The following THSD7B variants were observed in gnomAD, a reference collection of about 807,000 sequenced individuals.
The protein encoded by THSD7B is thrombospondin type 1 domain containing 7B.
In THSD7B, 138 loss-of-function variants were observed where a neutral mutation model predicts 213.6. That is an observed-to-expected ratio of 0.65 (90% confidence interval 0.56 to 0.74). THSD7B has a LOEUF of 0.74. Among genes scored for constraint, THSD7B ranks in the 30% least tolerant of loss-of-function variants. THSD7B has a pLI of 0.00. For missense variants in THSD7B, 1,931 were observed against 1,991.5 expected (o/e 0.97, Z 0.58); for synonymous variants, 742 against 687.0 (o/e 1.08, Z -1.25).
At chr2:137,105,806 G>A (rs1009039050) in intron 4 of THSD7B, among the ~76,000 whole-genome samples, 1 of 152,122 alleles carries the variant, frequency 6.6e-6, no homozygotes, top group Non-Finnish European at 1.5e-5. Context: ...TTGCTACAAA[G>A]AGAGTAAAAT....
intron 17 of THSD7B, among the ~76,000 whole-genome samples, chr2:137,598,021 A>G (rs1681996069): frequency 6.6e-6 from 1 of 151,848 alleles, no homozygotes; most frequent in Non-Finnish European, 1.5e-5. Flanking sequence ...CCTATCTCCT[A>G]CTTCTCTTGC....
At position 136,948,994 on chromosome 2, in the gene THSD7B, T is replaced by C. The variant is rs540866973; in HGVS notation, c.139+66677T>C. On this transcript the variant is annotated intron_variant, in intron 2 of 27. Coordinates refer to ENST00000409968, the MANE Select transcript of THSD7B (RefSeq NM_001316349.2). ...AAAAAAAATTGTTGGTTTTTGGAGATGAGGGGTCTCACTCTGTTTCCTAGG... is the reference window on the plus strand; with the variant it reads ...AAAAAAAATTGTTGGTTTTTGGAGACGAGGGGTCTCACTCTGTTTCCTAGG... Among the ~76,000 whole-genome samples, 36 of 152,318 alleles carry C rather than the reference T, an allele frequency of 2.4e-4. 1 individual carries two copies. Among genetic ancestry groups the C allele is most frequent in the African/African-American group, 8.4e-4 (35 of 41,574 alleles).
At chr2:136,884,206 G>T (rs1435486801) in intron 2 of THSD7B, among the ~76,000 whole-genome samples, 1 of 152,186 alleles carries the variant, frequency 6.6e-6, no homozygotes, top group African/African-American at 2.4e-5. Flanking sequence ...GTTGAGAAGA[G>T]TTTCATAGAA....
At chr2:136,860,119 G>T (rs1042110654) in intron 1 of THSD7B, among the ~76,000 whole-genome samples, 1 of 146,476 alleles carries the variant, frequency 6.8e-6, no homozygotes, top group African/African-American at 2.5e-5. Flanking sequence ...CCGGGTTCAC[G>T]CCATTCTCCT....
At chr2:137,015,145 T>C (rs1686314364) in intron 2 of THSD7B, among the ~76,000 whole-genome samples, 2 of 152,190 alleles carry the variant, frequency 1.3e-5, no homozygotes, top group South Asian at 4.1e-4. Context: ...GCAACGGCTG[T>C]ATGTCTTGCT....
intron 1 of THSD7B, among the ~76,000 whole-genome samples, chr2:136,830,513 G>A (rs1251556580): frequency 6.6e-6 from 1 of 152,054 alleles, no homozygotes; most frequent in Non-Finnish European, 1.5e-5. Flanking sequence ...GTGTTAAGGT[G>A]TTCTAAGTTT....
At position 137,676,731 on chromosome 2, in the gene THSD7B, A is replaced by AAAAGT. The variant is rs1683711157; in HGVS notation, c.*129_*133dup. On this transcript the variant is annotated 3_prime_UTR_variant, in exon 28 of 28. Coordinates refer to ENST00000409968, the MANE Select transcript of THSD7B (RefSeq NM_001316349.2). ...ATATTGGGCAGAATACAAATATTGC[A>AAAAGT]AAAGTAATATTGCCTCAACTTCATT... is the stretch of plus-strand genomic sequence containing the variant. The AAAAGT allele has an allele frequency of 4.0e-6, 3 of 750,646 alleles. No homozygotes were observed. Among genetic ancestry groups the AAAAGT allele is most frequent in the Non-Finnish European group, 5.9e-6 (3 of 510,252 alleles). The allele number at this position is 750,646 out of a possible 1,614,324, so 46.5% of individuals were successfully genotyped here.
intron 7 of THSD7B, among the ~76,000 whole-genome samples, chr2:137,207,317 T>C (rs1156478479): frequency 6.6e-6 from 1 of 152,094 alleles, no homozygotes; most frequent in African/African-American, 2.4e-5. Context: ...ACATCATTGC[T>C]CAGATCTAGG....
At chr2:137,091,520 TATTC>T (rs141548086) in intron 3 of THSD7B, among the ~76,000 whole-genome samples, 129 of 151,840 alleles carry the variant, frequency 8.5e-4, no homozygotes, top group African/African-American at 3.0e-3. Context: ...TATTTTATTT[TATTC>T]ATTCATTCAT....
chr2:137,206,630 C>G (rs955202652), intron 7 of THSD7B, among the ~76,000 whole-genome samples: 8 of 152,016 alleles, frequency 5.3e-5, no homozygotes, highest in African/African-American at 1.9e-4. Flanking sequence ...AAGAATTAAA[C>G]AGGTCCAGGT....
chr2:137,153,776 T>G (rs1017482847), intron 5 of THSD7B, among the ~76,000 whole-genome samples: 2 of 152,192 alleles, frequency 1.3e-5, no homozygotes, highest in Non-Finnish European at 2.9e-5. Flanking sequence ...ATTGAGTTTC[T>G]GCCAAGTCAG....
At chr2:137,567,128 A>G (rs1200128904) in intron 16 of THSD7B, among the ~76,000 whole-genome samples, 1 of 142,384 alleles carries the variant, frequency 7.0e-6, no homozygotes, top group African/African-American at 2.6e-5. Context: ...GGGGAGTGAC[A>G]TGCTCTATTT....
At chr2:137,594,347 C>T (rs779232818) in intron 17 of THSD7B, among the ~76,000 whole-genome samples, 3 of 151,848 alleles carry the variant, frequency 2.0e-5, no homozygotes, top group African/African-American at 7.2e-5. Context: ...TTGAGAGTCT[C>T]GGGTGCAAGT....
At chr2:137,313,669 G>A (rs139969823) in intron 12 of THSD7B, among the ~76,000 whole-genome samples, 9,550 of 151,858 alleles carry the variant, frequency 0.063, 1,027 homozygotes, top group East Asian at 0.52. Context: ...CATGTTTAGC[G>A]CTTCCTTCAG....
At chr2:137,462,147 G>A (rs1488921458) in intron 15 of THSD7B, among the ~76,000 whole-genome samples, 1 of 152,046 alleles carries the variant, frequency 6.6e-6, no homozygotes, top group Non-Finnish European at 1.5e-5. Flanking sequence ...GAAATCTCAT[G>A]CCTCATCTCT....
chr2:137,228,991 A>G (rs1681578519), intron 7 of THSD7B, among the ~76,000 whole-genome samples: 1 of 152,202 alleles, frequency 6.6e-6, no homozygotes, highest in Admixed American at 6.5e-5. Context: ...AAAGATAGAG[A>G]TGCTCTTCCA....
At chr2:136,816,503 T>C (rs563970545) in intron 1 of THSD7B, among the ~76,000 whole-genome samples, 2 of 152,366 alleles carry the variant, frequency 1.3e-5, no homozygotes, top group South Asian at 2.1e-4. Flanking sequence ...TGAGACAGTT[T>C]ATTTACCCAA....
intron 7 of THSD7B, among the ~76,000 whole-genome samples, chr2:137,201,627 C>A (rs1369170697): frequency 6.6e-6 from 1 of 151,924 alleles, no homozygotes; most frequent in African/African-American, 2.4e-5. Flanking sequence ...CAAACAAAAC[C>A]AAACCCCAGT....
At chr2:137,221,290 AAAAAC>A (rs1020064099) in intron 7 of THSD7B, among the ~76,000 whole-genome samples, 3 of 152,022 alleles carry the variant, frequency 2.0e-5, no homozygotes, top group African/African-American at 7.2e-5. Context: ...CCGTCTCAAA[AAAAAC>A]AAAAACAAAA....
Sources: gnomAD v4.1 joint callset for allele counts (sites outside exome capture counted in the v4.1 genomes callset) on GRCh38, gnomAD v4.1.1 for gene constraint, MANE v1.5 for transcripts, NCBI Gene and HGNC (gene_info 2026-07-23, HGNC 2026-07-21) for gene names.